Variants in INTS9 observed in about 807,000 individuals in gnomAD.
The protein encoded by INTS9 is integrator complex subunit 9, also known as protein related to CPSF subunits of 74 kDa.
A neutral mutation model predicts 79.7 loss-of-function variants in INTS9; 55 were observed. That is an observed-to-expected ratio of 0.69 (90% CI 0.56 to 0.86). The LOEUF (loss-of-function observed/expected upper bound fraction) is 0.86, where lower values mean the gene tolerates loss of function less well. Among genes scored for constraint, INTS9 ranks in the 40% least tolerant of loss-of-function variants. The pLI is 0.00. For synonymous variants in INTS9, 319 were observed against 325.2 expected, an observed-to-expected ratio of 0.98 and a Z score of 0.20; for missense variants, 721 against 831.5, an observed-to-expected ratio of 0.87 and a Z score of 1.64.
At chr8:28,779,923 G>A (rs1312934869) in intron 12 of INTS9, among the ~76,000 whole-genome samples, 1 of 152,100 alleles carries the variant, frequency 6.6e-6, no homozygotes, top group Non-Finnish European at 1.5e-5. Flanking sequence ...GCCATGTGCC[G>A]GGTTCTGTGC....
intron 6 of INTS9, among the ~76,000 whole-genome samples, chr8:28,826,366 G>A (rs1806141579): frequency 6.6e-6 from 1 of 152,176 alleles, no homozygotes; most frequent in Admixed American, 6.5e-5. Context: ...CGTCTGAACT[G>A]CACCATGTTT....
chr8:28,824,247 A>G (rs11985067), intron 6 of INTS9, among the ~76,000 whole-genome samples: 13,542 of 152,134 alleles, frequency 0.089, 811 homozygotes, highest in East Asian at 0.27. Context: ...CCTCAACAAT[A>G]CACTACAAAT....
At position 28,839,328 on chromosome 8, in the gene INTS9, GT is replaced by G. The variant is rs528305992; in HGVS notation, c.262-1553del. 4.9e-3 allele frequency among the ~76,000 whole-genome samples: 750 copies of G among 152,050 alleles called. 7 individuals carry two copies. Among genetic ancestry groups the G allele is most frequent in the African/African-American group, 0.017 (723 of 41,446 alleles). ...ATGGAAGAACATTCCATGCTCATGG[GT>G]AGGAAGAATCAATATCATGAAAATG... On this transcript the variant is annotated intron_variant, in intron 4 of 16. Coordinates refer to ENST00000521022, the MANE Select transcript of INTS9 (RefSeq NM_018250.4).
chr8:28,776,067 C>T lies in INTS9; in HGVS notation c.1396-141G>A, dbSNP rs894629758. ...CAAGGTGAACTTTCATCCTCTCAAG[C>T]CCAATGAACCGTAGACAGGAGAGGG... is the stretch of plus-strand genomic sequence containing the variant. On this transcript the variant is annotated intron_variant, in intron 13 of 16. Transcript: ENST00000521022. 6.4e-6 allele frequency: 4 copies of T among 622,224 alleles called. No homozygotes were observed. In the East Asian group the frequency reaches 9.6e-5, roughly 15 times the overall value. 38.5% of individuals were successfully genotyped at this position (622,224 alleles called of 1,614,324 possible).
intron 11 of INTS9, chr8:28,784,014 A>T (rs1803445195): frequency 6.6e-6 from 1 of 152,174 alleles, no homozygotes; most frequent in Non-Finnish European, 1.5e-5. Context: ...TGCCAATTGG[A>T]TCTACCTTTC....
At chr8:28,840,168 G>A (rs1166603981) in intron 4 of INTS9, among the ~76,000 whole-genome samples, 1 of 149,768 alleles carries the variant, frequency 6.7e-6, no homozygotes, top group African/African-American at 2.4e-5. Context: ...AGACATTTAT[G>A]CAGCCAAAAA....
chr8:28,792,084 A>G (rs1803948708), intron 10 of INTS9, among the ~76,000 whole-genome samples: 1 of 152,252 alleles, frequency 6.6e-6, no homozygotes, highest in African/African-American at 2.4e-5. Flanking sequence ...TTATTAAAAT[A>G]TATTAGCATC....
At position 28,837,632 on chromosome 8, in the gene INTS9, C is replaced by T; in HGVS notation, c.401+5G>A. On this transcript the variant is annotated splice_donor_5th_base_variant and intron_variant, in intron 5 of 16. Transcript: ENST00000521022. ...TCCTAGCAGGGTCAGAATCAACCCT[C>T]TCACCTGCCGATCTGGACGGTGGGT... 1.2e-6 allele frequency: 2 copies of T among 1,612,056 alleles called. No individual in the cohort carries two copies. The highest frequency in any genetic ancestry group is 8.5e-7 in the Non-Finnish European group (1 of 1,179,624).
chr8:28,826,503 G>A (rs1378124228), intron 6 of INTS9, among the ~76,000 whole-genome samples: 1 of 152,204 alleles, frequency 6.6e-6, no homozygotes, highest in African/African-American at 2.4e-5. Flanking sequence ...GCCCGGTTCA[G>A]GGTTTTGTGG....
intron 6 of INTS9, among the ~76,000 whole-genome samples, chr8:28,827,940 C>T (rs1213639323): frequency 3.9e-5 from 6 of 152,148 alleles, no homozygotes; most frequent in Admixed American, 3.3e-4. Flanking sequence ...TTGTTTGTCA[C>T]TCAACATCCT....
chr8:28,872,501 G>A (rs1809150918), intron 1 of INTS9, among the ~76,000 whole-genome samples: 1 of 151,750 alleles, frequency 6.6e-6, no homozygotes, highest in African/African-American at 2.4e-5. Context: ...CTATTTGCTA[G>A]ACTTGACTGC....
intron 6 of INTS9, among the ~76,000 whole-genome samples, chr8:28,815,065 G>A (rs1245431628): frequency 6.6e-6 from 1 of 152,084 alleles, no homozygotes; most frequent in Non-Finnish European, 1.5e-5. Context: ...CTCAAGTGGG[G>A]GCAGAGGAGC....
At chr8:28,770,338 G>T (rs527673003) in intron 15 of INTS9, among the ~76,000 whole-genome samples, 1 of 152,166 alleles carries the variant, frequency 6.6e-6, no homozygotes, top group Admixed American at 6.5e-5. Context: ...ACACTGTGTC[G>T]TGCTGCAGGT....
intron 11 of INTS9, among the ~76,000 whole-genome samples, chr8:28,782,893 C>A (rs796088200): frequency 6.0e-4 from 92 of 152,130 alleles, no homozygotes; most frequent in African/African-American, 1.9e-3. Flanking sequence ...CACAAAAAAA[C>A]CCCCAGCACT....
At chr8:28,786,244 G>A (rs1267677680) in intron 11 of INTS9, among the ~76,000 whole-genome samples, 2 of 152,008 alleles carry the variant, frequency 1.3e-5, no homozygotes, top group African/African-American at 4.8e-5. Flanking sequence ...TTGTTGATGG[G>A]AATTTGAGTA....
intron 14 of INTS9, among the ~76,000 whole-genome samples, chr8:28,775,119 C>T (rs908652603): frequency 6.6e-6 from 1 of 152,160 alleles, no homozygotes; most frequent in Non-Finnish European, 1.5e-5. Flanking sequence ...AACTGAGGTC[C>T]AGGAAGGAAG....
chr8:28,845,267 T>C (rs1008750501), intron 4 of INTS9, among the ~76,000 whole-genome samples: 1 of 152,232 alleles, frequency 6.6e-6, no homozygotes, highest in African/African-American at 2.4e-5. Context: ...GGACTAAGGC[T>C]GCATGGCTCA....
intron 6 of INTS9, among the ~76,000 whole-genome samples, chr8:28,815,916 C>A (rs865930407): frequency 2.0e-5 from 3 of 152,066 alleles, no homozygotes; most frequent in South Asian, 2.1e-4. Context: ...TGACCCAGAA[C>A]AATGAACAAC....
intron 16 of INTS9, 184 bp from the exon 17 acceptor site, chr8:28,768,506 CA>C (rs1266969237): frequency 1.1e-5 from 7 of 618,064 alleles, no homozygotes; most frequent in East Asian, 8.4e-5. Flanking sequence ...CCTAAACATG[CA>C]AAAGCTCATG....
Sources: gnomAD v4.1 joint callset for allele counts (sites outside exome capture counted in the v4.1 genomes callset) on GRCh38, gnomAD v4.1.1 for gene constraint, MANE v1.5 for transcripts, NCBI Gene and HGNC (gene_info 2026-07-23, HGNC 2026-07-21) for gene names.